The following GALNT6 variants were observed in gnomAD, a reference collection of about 807,000 sequenced individuals.
The protein encoded by GALNT6 is GalNAc transferase 6.
Under a neutral mutation model 65.9 loss-of-function variants are expected in GALNT6, and 51 were observed. That is an observed-to-expected ratio of 0.77 (90% CI 0.62 to 0.98). The LOEUF is 0.98. GALNT6 is among the 50% of genes least tolerant of loss of function. The pLI is 0.00. For synonymous variants in GALNT6, 323 were observed against 315.1 expected, an observed-to-expected ratio of 1.02 and a Z score of -0.26; for missense variants, 708 against 803.3, an observed-to-expected ratio of 0.88 and a Z score of 1.43.
chr12:51,388,886 C>T (rs892526588), intron 2 of GALNT6, among the ~76,000 whole-genome samples: 2 of 152,164 alleles, frequency 1.3e-5, no homozygotes, highest in African/African-American at 4.8e-5. Context: ...TGCTTTCTTC[C>T]TTCAAATCTC....
intron 2 of GALNT6, among the ~76,000 whole-genome samples, chr12:51,382,005 G>A (rs1437816783): frequency 2.0e-5 from 3 of 152,248 alleles, no homozygotes; most frequent in Admixed American, 2.0e-4. Context: ...GACCTTGGGA[G>A]TATGTGGCCA....
intron 2 of GALNT6, among the ~76,000 whole-genome samples, chr12:51,385,415 G>C (rs1352341268): frequency 1.3e-5 from 2 of 152,178 alleles, no homozygotes; most frequent in African/African-American, 2.4e-5. Flanking sequence ...AAGTTTAAAT[G>C]ATTCCATTTT....
Position 51,377,185 on chromosome 12 carries a change from C to T in GALNT6, c.664+10G>A, listed in dbSNP as rs1401555231. The stretch of plus-strand genomic sequence containing the variant: ...CCCCGGCCCCCTCCTCTGGGCCCCT[C>T]CAGCCTCACCCTCTGTGCTGGCATC... On this transcript the variant is annotated intron_variant, in intron 4 of 11. Transcript: ENST00000356317. 6.2e-7 allele frequency: 1 copy of T among 1,613,028 alleles called. No individual in the cohort carries two copies. The highest frequency in any genetic ancestry group is 1.1e-5 in the South Asian group (1 of 91,028).
intron 4 of GALNT6, among the ~76,000 whole-genome samples, chr12:51,370,101 A>G (rs1947241908): frequency 6.6e-6 from 1 of 152,224 alleles, no homozygotes; most frequent in African/African-American, 2.4e-5. Context: ...TGAAGAGCTG[A>G]AAGCAGAGAC....
At chr12:51,371,139 A>G (rs984349977) in intron 4 of GALNT6, among the ~76,000 whole-genome samples, 1 of 151,440 alleles carries the variant, frequency 6.6e-6, no homozygotes, top group African/African-American at 2.4e-5. Context: ...GCTGGAGTGC[A>G]ATGGTGTGAT....
At chr12:51,367,722 A>G (rs1947154502) in intron 4 of GALNT6, among the ~76,000 whole-genome samples, 2 of 152,244 alleles carry the variant, frequency 1.3e-5, no homozygotes, top group African/African-American at 4.8e-5. Context: ...AGGGGGTTGC[A>G]TGCAATTGAT....
Position 51,359,300 on chromosome 12 carries a change from G to T in GALNT6, c.1200C>A (p.Ile400=), listed in dbSNP as rs1946847173. 1.2e-6 allele frequency: 2 copies of T among 1,613,188 alleles called. No individual in the cohort carries two copies. The part of the protein sequence containing the change: ...VWQCGGQLEI[I]PCSVVGHVFR... ...ACACATGGCCTACGACAGAGCAGGG[G>T]ATGATCTCCAGCTGGCCCCCACACT... Residue 400 remains isoleucine (I), a synonymous_variant, in exon 8 of 12, where the codon ATC becomes ATA. Transcript: ENST00000356317.
intron 4 of GALNT6, among the ~76,000 whole-genome samples, chr12:51,374,781 G>A (rs1947399826): frequency 6.6e-6 from 1 of 152,156 alleles, no homozygotes; most frequent in South Asian, 2.1e-4. Flanking sequence ...CTACTCTCAA[G>A]TGAGTGTAAG....
At chr12:51,391,019 C>G (rs1309399558) in intron 1 of GALNT6, 82 bp from the exon 2 acceptor site, 1 of 152,502 alleles carries the variant, frequency 6.6e-6, no homozygotes, top group Non-Finnish European at 1.5e-5. Context: ...AGGCAGATCC[C>G]TTCCCACCCC....
At chr12:51,375,562 T>C (rs1475547134) in intron 4 of GALNT6, among the ~76,000 whole-genome samples, 1 of 103,868 alleles carries the variant, frequency 9.6e-6, no homozygotes, top group Non-Finnish European at 1.9e-5. Context: ...CAACTGCTCT[T>C]TTTTTTTTTT....
chr12:51,366,231 C>T (rs1370090640), intron 4 of GALNT6, among the ~76,000 whole-genome samples: 2 of 152,184 alleles, frequency 1.3e-5, no homozygotes, highest in African/African-American at 2.4e-5. Context: ...GTACAAAATT[C>T]TGACAGAGGC....
chr12:51,355,734 T>C, intron 11 of GALNT6, 72 bp downstream of exon 11: 1 of 1,464,386 alleles, frequency 6.8e-7, no homozygotes, highest in Non-Finnish European at 9.4e-7. Flanking sequence ...CTCAAAGTGC[T>C]GGGATTACAG....
chr12:51,372,114 A>T (rs968164016), intron 4 of GALNT6, among the ~76,000 whole-genome samples: 7 of 152,206 alleles, frequency 4.6e-5, no homozygotes, highest in Admixed American at 1.3e-4. Flanking sequence ...TATTGTGGGC[A>T]GTGGTGCACT....
At chr12:51,370,349 A>C (rs957838738) in intron 4 of GALNT6, among the ~76,000 whole-genome samples, 8 of 152,112 alleles carry the variant, frequency 5.3e-5, no homozygotes, top group African/African-American at 1.7e-4. Context: ...GTTCGAGACC[A>C]GCCTGACCAA....
At chr12:51,381,085 T>A (rs1174643033) in intron 2 of GALNT6, among the ~76,000 whole-genome samples, 1 of 151,978 alleles carries the variant, frequency 6.6e-6, no homozygotes, top group Non-Finnish European at 1.5e-5. Flanking sequence ...TAAAAAATTT[T>A]AAAAATTAGC....
chr12:51,365,970 T>A (rs529611935), intron 4 of GALNT6, among the ~76,000 whole-genome samples: 1 of 152,196 alleles, frequency 6.6e-6, no homozygotes, highest in African/African-American at 2.4e-5. Context: ...CAGGCTGGAG[T>A]GCAATGGCGT....
intron 6 of GALNT6, among the ~76,000 whole-genome samples, chr12:51,361,400 G>A (rs554600025): frequency 1.8e-4 from 28 of 152,310 alleles, no homozygotes; most frequent in African/African-American, 6.0e-4. Context: ...TTTAGTAGGC[G>A]CCTAGCCCTG....
chr12:51,389,004 T>A (rs1028207813), intron 2 of GALNT6, among the ~76,000 whole-genome samples: 4 of 152,024 alleles, frequency 2.6e-5, no homozygotes, highest in African/African-American at 9.7e-5. Flanking sequence ...CTCCCTGGAG[T>A]GAGCTCACCC....
At chr12:51,369,662 C>T (rs1321873723) in intron 4 of GALNT6, among the ~76,000 whole-genome samples, 2 of 152,290 alleles carry the variant, frequency 1.3e-5, no homozygotes, top group East Asian at 3.9e-4. Flanking sequence ...ATGGAAAATT[C>T]AACATATGCC....
Sources: allele counts gnomAD v4.1 joint callset (sites outside exome capture counted in the v4.1 genomes callset), GRCh38; gene constraint gnomAD v4.1.1; transcripts MANE v1.5; gene names NCBI Gene and HGNC (gene_info 2026-07-23, HGNC 2026-07-21).